The following ABCA10 variants were observed in gnomAD, a reference collection of about 807,000 sequenced individuals.
ABCA10 encodes ATP-binding cassette sub-family A member 10.
A neutral mutation model predicts 187.5 loss-of-function variants in ABCA10; 169 were observed. The ratio of observed to expected loss-of-function variants is 0.90; its 90% CI spans 0.80 to 1.02. The LOEUF is 1.02. Among genes scored for constraint, ABCA10 ranks in the 50% least tolerant of loss-of-function variants. ABCA10 has a pLI of 0.00. For missense variants in ABCA10, 1,727 were observed against 1,812.4 expected (o/e 0.95, Z 0.86); for synonymous variants, 574 against 601.8 (o/e 0.95, Z 0.68).
intron 6 of ABCA10, among the ~76,000 whole-genome samples, chr17:69,217,536 A>C (rs944078255): frequency 6.6e-6 from 1 of 152,218 alleles, no homozygotes; most frequent in African/African-American, 2.4e-5. Context: ...TGAAGAATTA[A>C]ACAAACAGAA....
chr17:69,182,826 A>C lies in ABCA10; in HGVS notation c.2498-18T>G. On this transcript the variant is annotated intron_variant, in intron 20 of 38. Transcript: ENST00000690296. ...ATTTGATCCTAACATAGTGGAAGGA[A>C]GGCAACAAGAAAAAAAAAAAAAAAG... 1.4e-6 allele frequency: 2 copies of C among 1,477,630 alleles called. No individual in the cohort carries two copies. The highest frequency in any genetic ancestry group is 1.8e-6 in the Non-Finnish European group (2 of 1,121,620). The allele number at this position is 1,477,630 out of a possible 1,614,324, so 91.5% of individuals were successfully genotyped here.
chr17:69,178,511 C>T (rs1190079642), intron 22 of ABCA10, among the ~76,000 whole-genome samples: 1 of 152,150 alleles, frequency 6.6e-6, no homozygotes, highest in African/African-American at 2.4e-5. Flanking sequence ...TCTGTTTTAA[C>T]AAGCCCAGCA....
intron 25 of ABCA10, 39 bp downstream of exon 25, chr17:69,174,242 A>C: frequency 7.1e-7 from 1 of 1,417,482 alleles, no homozygotes; most frequent in Non-Finnish European, 9.6e-7. Context: ...AACTTCAAGG[A>C]AATTTAATAT....
intron 25 of ABCA10, among the ~76,000 whole-genome samples, chr17:69,166,080 T>A (rs939364463): frequency 2.0e-5 from 3 of 152,150 alleles, no homozygotes; most frequent in African/African-American, 7.2e-5. Context: ...ACTACTGTAA[T>A]AATTTTGTAG....
At chr17:69,197,039 A>T in intron 11 of ABCA10, 25 bp downstream of exon 11, 1 of 1,528,356 alleles carries the variant, frequency 6.5e-7, no homozygotes, top group Non-Finnish European at 8.9e-7. Context: ...GGAGAGGGAG[A>T]GGGAGAGGGA....
At chr17:69,158,038 T>C (rs1026510536) in intron 27 of ABCA10, among the ~76,000 whole-genome samples, 2 of 152,122 alleles carry the variant, frequency 1.3e-5, no homozygotes, top group Middle Eastern at 3.4e-3. Context: ...AGATTCATTC[T>C]TGATAAATAC....
chr17:69,202,050 T>C (rs192613534), intron 9 of ABCA10, among the ~76,000 whole-genome samples: 37 of 152,340 alleles, frequency 2.4e-4, no homozygotes, highest in African/African-American at 8.9e-4. Flanking sequence ...CCCAAAGTGC[T>C]GGGATTACAG....
At chr17:69,230,159 A>C (rs1270739138), upstream of ABCA10, among the ~76,000 whole-genome samples, 2 of 151,946 alleles carry the variant, frequency 1.3e-5, no homozygotes, top group Non-Finnish European at 2.9e-5. Flanking sequence ...ACATGCTTCC[A>C]CCTTTCACCT....
upstream of ABCA10, chr17:69,232,995 T>G (rs2074841576): frequency 6.6e-6 from 1 of 152,194 alleles, no homozygotes; most frequent in Non-Finnish European, 1.5e-5. Context: ...GGGTCCTCTA[T>G]TTGTCTTTGA....
chr17:69,191,821 G>A (rs1464350602), intron 16 of ABCA10, among the ~76,000 whole-genome samples: 1 of 152,164 alleles, frequency 6.6e-6, no homozygotes, highest in Non-Finnish European at 1.5e-5. Context: ...TGCATTAAGT[G>A]GTTTCTCTTA....
chr17:69,232,073 T>C (rs1473440959), upstream of ABCA10, among the ~76,000 whole-genome samples: 1 of 152,144 alleles, frequency 6.6e-6, no homozygotes, highest in Non-Finnish European at 1.5e-5. Context: ...CTTTTTTTTG[T>C]TTCTATGTGC....
intron 1 of ABCA10, among the ~76,000 whole-genome samples, chr17:69,240,266 T>C (rs2074895822): frequency 6.6e-6 from 1 of 152,194 alleles, no homozygotes; most frequent in Non-Finnish European, 1.5e-5. Flanking sequence ...TTCGCCAAGT[T>C]ACTTTATGTC....
intron 22 of ABCA10, among the ~76,000 whole-genome samples, chr17:69,181,716 T>A (rs2074382076): frequency 6.6e-6 from 1 of 152,060 alleles, no homozygotes; most frequent in Non-Finnish European, 1.5e-5. Flanking sequence ...TCTTTCAGAA[T>A]AAGTAATAGC....
Position 69,214,729 on chromosome 17 carries a change from T to C in ABCA10, c.981A>G (p.Thr327=). The change falls in exon 9 of 39, where the codon ACA becomes ACG. Residue 327 remains threonine (T), a synonymous_variant. Coordinates refer to ENST00000690296, the MANE Select transcript of ABCA10 (RefSeq NM_001377321.1). ...CAGGTAAAACTCGCTCAAAATATAATGTGAATATCAAATAGAAAAGAGTAT... is the reference window on the plus strand; with the variant it reads ...CAGGTAAAACTCGCTCAAAATATAACGTGAATATCAAATAGAAAAGAGTAT... ...AFDTLFYLIF[T]LYFERVLPDK... 1 of 1,514,192 alleles carries C rather than the reference T, an allele frequency of 6.6e-7. No individual in the cohort carries two copies. Among genetic ancestry groups the C allele is most frequent in the Non-Finnish European group, 8.8e-7 (1 of 1,139,694 alleles). 93.8% of individuals were successfully genotyped at this position (1,514,192 alleles called of 1,614,324 possible).
In ABCA10 at chr17:69,154,225, T is replaced by C. The variant is rs372025211; in HGVS notation, c.3786+10A>G. ...TATTTAAAATAAAATTTCCTTCACA[T>C]GTCACATACCACTCCTGCAGTTGGC... is the stretch of plus-strand genomic sequence containing the variant. On this transcript the variant is annotated intron_variant, in intron 31 of 38. Transcript: ENST00000690296. The C allele has an allele frequency of 3.2e-6, 5 of 1,586,504 alleles. No homozygotes were observed. The highest frequency in any genetic ancestry group is 3.4e-6 in the Non-Finnish European group (4 of 1,167,722).
intron 1 of ABCA10, among the ~76,000 whole-genome samples, chr17:69,227,714 G>A (rs567904706): frequency 6.6e-5 from 10 of 152,048 alleles, no homozygotes; most frequent in African/African-American, 2.4e-4. Context: ...TTGACCACAA[G>A]CTGTCTTATT....
At chr17:69,211,316 T>TATAC (rs1421932149) in intron 9 of ABCA10, among the ~76,000 whole-genome samples, 1 of 2,108 alleles carries the variant, frequency 4.7e-4, no homozygotes, top group East Asian at 5.1e-3. Context: ...ATATATATGA[T>TATAC]ATATATATAT....
At chr17:69,205,248 A>G (rs559586827) in intron 9 of ABCA10, among the ~76,000 whole-genome samples, 14 of 152,202 alleles carry the variant, frequency 9.2e-5, no homozygotes, top group Non-Finnish European at 1.9e-4. Flanking sequence ...GAGAGAGAAA[A>G]AGAGTTCATT....
Position 69,152,061 on chromosome 17 carries a change from T to C in ABCA10, c.4379A>G (p.Gln1460Arg), listed in dbSNP as rs1172062757. ...LHTEILKLFP[Q>R]AAWQERYSSL... ...CCTTTACCTTTCCTGCCAAGCAGCC[T>C]GTGGGAAAAGCTTCAAAATCTCTGT... The change falls in exon 36 of 39, where the codon CAG becomes CGG. Residue 1460 changes from glutamine to arginine, a missense_variant. By Grantham distance (43) the Gln-to-Arg change is conservative (BLOSUM62 1). Transcript: ENST00000690296. 1.9e-6 allele frequency: 3 copies of C among 1,610,584 alleles called. No homozygotes were observed. Among genetic ancestry groups the C allele is most frequent in the African/African-American group, 1.3e-5 (1 of 74,622 alleles).
Sources: allele counts gnomAD v4.1 joint callset (sites outside exome capture counted in the v4.1 genomes callset), GRCh38; gene constraint gnomAD v4.1.1; transcripts MANE v1.5; gene names NCBI Gene and HGNC (gene_info 2026-07-23, HGNC 2026-07-21).